HDAC9: variants seen among roughly 807,000 people sequenced by gnomAD.
The protein encoded by HDAC9 is MEF-2 interacting transcription repressor (MITR) protein.
HDAC9 carries 41 observed loss-of-function variants against 139.4 expected under a neutral mutation model. The observed-to-expected ratio is 0.29, with a 90% CI of 0.23 to 0.38. The LOEUF (loss-of-function observed/expected upper bound fraction) is 0.38, where lower values mean the gene tolerates loss of function less well. HDAC9 is among the 10% of genes least tolerant of loss of function. The pLI is 1.00. For missense variants in HDAC9, 1,147 were observed against 1,297.0 expected (o/e 0.88, Z 1.78); for synonymous variants, 517 against 476.2 (o/e 1.09, Z -1.12).
rs1786782692 is a variant in HDAC9 at position 19,002,169 on chromosome 7, A to C, written c.*6107A>C. The C allele has an allele frequency of 6.6e-6, 1 of 152,072 alleles. No individual in the cohort carries two copies. The highest frequency in any genetic ancestry group is 2.4e-5 in the African/African-American group (1 of 41,404). The allele number at this position is 152,072 out of a possible 1,614,324, so 9.4% of individuals were successfully genotyped here. On this transcript the variant is annotated 3_prime_UTR_variant, in exon 26 of 26. Coordinates refer to ENST00000686413, the MANE Select transcript of HDAC9 (RefSeq NM_178425.4). ...AGTGGTATTTTCCCAGATGTGAAAA[A>C]TAATAATCTAATAAAGGATTAATAT...
intron 2 of HDAC9, among the ~76,000 whole-genome samples, chr7:18,173,839 G>A (rs1258300401): frequency 3.9e-5 from 6 of 152,300 alleles, no homozygotes; most frequent in Non-Finnish European, 7.3e-5. Context: ...GCTTCCCTTC[G>A]TGAGTGATCT....
chr7:18,321,389 C>T (rs1800022280), intron 1 of HDAC9, among the ~76,000 whole-genome samples: 2 of 152,136 alleles, frequency 1.3e-5, no homozygotes, highest in Admixed American at 1.3e-4. Flanking sequence ...CCATGTACCA[C>T]ACAAGAGAAA....
At chr7:18,629,562 A>G (rs532275593) in intron 7 of HDAC9, 81 bp downstream of exon 7, 3 of 1,277,318 alleles carry the variant, frequency 2.3e-6, no homozygotes, top group African/African-American at 1.5e-5. Flanking sequence ...TACCTGCTGC[A>G]TATTAAAAGT....
At chr7:18,501,139 C>CA in intron 2 of HDAC9, among the ~76,000 whole-genome samples, 1 of 152,016 alleles carries the variant, frequency 6.6e-6, no homozygotes, top group Middle Eastern at 3.4e-3. Flanking sequence ...TTAAAACAAA[C>CA]AAAAAACTAA....
At chr7:18,187,530 C>A (rs565244588) in intron 2 of HDAC9, among the ~76,000 whole-genome samples, 1 of 152,176 alleles carries the variant, frequency 6.6e-6, no homozygotes, top group African/African-American at 2.4e-5. Flanking sequence ...ATGGCACCAT[C>A]TTTAAAACTC....
intron 2 of HDAC9, among the ~76,000 whole-genome samples, chr7:18,234,710 G>T (rs1341289860): frequency 1.3e-5 from 2 of 152,188 alleles, no homozygotes; most frequent in African/African-American, 4.8e-5. Context: ...CTGACAGCTT[G>T]TCAAGTAGTA....
intron 22 of HDAC9, among the ~76,000 whole-genome samples, 196 bp downstream of exon 22, chr7:18,874,792 G>A (rs915645096): frequency 2.0e-5 from 3 of 152,120 alleles, no homozygotes; most frequent in African/African-American, 7.2e-5. Context: ...AAGTTAAAGT[G>A]CTTTGTTTGG....
intron 13 of HDAC9, among the ~76,000 whole-genome samples, chr7:18,748,528 C>T (rs781223977): frequency 1.3e-5 from 2 of 152,106 alleles, no homozygotes; most frequent in East Asian, 1.9e-4. Context: ...GAAAATCTTC[C>T]GTTTTATTAC....
At chr7:18,223,513 C>G (rs1023975903) in intron 2 of HDAC9, among the ~76,000 whole-genome samples, 5 of 151,808 alleles carry the variant, frequency 3.3e-5, no homozygotes, top group Non-Finnish European at 5.9e-5. Context: ...ATCACTTATC[C>G]AAGGCTACAC....
chr7:18,569,063 T>TAAATAAAATA (rs1563315112), intron 2 of HDAC9, among the ~76,000 whole-genome samples: 1 of 151,260 alleles, frequency 6.6e-6, no homozygotes, highest in African/African-American at 2.4e-5. Context: ...AATAAATAAA[T>TAAATAAAATA]AAATAAAATA....
chr7:18,677,341 G>T (rs1584819497), intron 12 of HDAC9, among the ~76,000 whole-genome samples: 1 of 151,646 alleles, frequency 6.6e-6, no homozygotes, highest in South Asian at 2.1e-4. Flanking sequence ...TTGCTGAATA[G>T]TTAGCCACTG....
At chr7:18,957,438 G>A (rs964630569) in intron 24 of HDAC9, among the ~76,000 whole-genome samples, 13 of 152,064 alleles carry the variant, frequency 8.5e-5, no homozygotes, top group Admixed American at 3.9e-4. Context: ...ATATGAAATC[G>A]CACTCTTGCT....
At chr7:18,553,159 G>C (rs911984173) in intron 2 of HDAC9, among the ~76,000 whole-genome samples, 1 of 152,122 alleles carries the variant, frequency 6.6e-6, no homozygotes, top group Admixed American at 6.6e-5. Context: ...GCCCAAGTCA[G>C]CAGGAAGGCT....
chr7:18,451,320 A>G (rs374283364), intron 1 of HDAC9, among the ~76,000 whole-genome samples: 24 of 150,852 alleles, frequency 1.6e-4, no homozygotes, highest in Non-Finnish European at 3.4e-4. Context: ...CCAGTCTAAG[A>G]TATTTTTGTT....
intron 2 of HDAC9, among the ~76,000 whole-genome samples, chr7:18,576,914 G>C (rs548690629): frequency 1.3e-5 from 2 of 152,228 alleles, no homozygotes; most frequent in African/African-American, 4.8e-5. Flanking sequence ...CAAAGCCCTA[G>C]GAATGGAAGG....
intron 1 of HDAC9, among the ~76,000 whole-genome samples, chr7:18,334,613 AC>A (rs778339140): frequency 2.6e-5 from 4 of 151,564 alleles, no homozygotes; most frequent in Non-Finnish European, 4.4e-5. Context: ...TAAAAAACAT[AC>A]GTTTATATCC....
Position 18,628,847 on chromosome 7 carries a change from A to G in HDAC9, c.665-503A>G, listed in dbSNP as rs377207700. On this transcript the variant is annotated intron_variant, in intron 6 of 25. Coordinates refer to ENST00000686413, the MANE Select transcript of HDAC9 (RefSeq NM_178425.4). ...TTAGATTAGAAACTACTGACAAAGA[A>G]ATATTCCAGGAGTCAGAATTAGACA... Among the ~76,000 whole-genome samples, 22 of 152,282 alleles carry G rather than the reference A, an allele frequency of 1.4e-4. No individual in the cohort carries two copies. The East Asian group carries it at 3.9e-3, about 27-fold the overall frequency.
intron 2 of HDAC9, among the ~76,000 whole-genome samples, chr7:18,529,875 T>C (rs1808274624): frequency 6.6e-6 from 1 of 152,214 alleles, no homozygotes. Flanking sequence ...AATCATAAAA[T>C]CCAGCATTTT....
intron 5 of HDAC9, among the ~76,000 whole-genome samples, chr7:18,593,515 C>T (rs73313295): frequency 0.024 from 3,692 of 152,110 alleles, 144 homozygotes; most frequent in African/African-American, 0.084. Flanking sequence ...AAAATGAAGT[C>T]CTTGCGTATG....
Sources: gnomAD v4.1 joint callset for allele counts (sites outside exome capture counted in the v4.1 genomes callset) on GRCh38, gnomAD v4.1.1 for gene constraint, MANE v1.5 for transcripts, NCBI Gene and HGNC (gene_info 2026-07-23, HGNC 2026-07-21) for gene names.